NOS1AP: variants seen among roughly 807,000 people sequenced by gnomAD.
NOS1AP encodes nitric oxide synthase 1 adaptor protein, also known as carboxyl-terminal PDZ ligand of neuronal nitric oxide synthase protein.
NOS1AP carries 21 observed loss-of-function variants against 56.2 expected under a neutral mutation model. The ratio of observed to expected loss-of-function variants is 0.37; its 90% CI spans 0.26 to 0.54. NOS1AP has a LOEUF of 0.54. Ranked by LOEUF, NOS1AP falls within the 20% of genes least tolerant of loss-of-function variation. The pLI, the probability that NOS1AP is intolerant of heterozygous loss-of-function variation, is 0.84. For missense variants in NOS1AP, 522 were observed against 657.8 expected (o/e 0.79, Z 2.26); for synonymous variants, 270 against 274.6 (o/e 0.98, Z 0.17).
intron 1 of NOS1AP, among the ~76,000 whole-genome samples, chr1:162,071,144 A>C (rs1180161250): frequency 6.6e-6 from 1 of 152,100 alleles, no homozygotes; most frequent in African/African-American, 2.4e-5. Flanking sequence ...TCTGTGGAAC[A>C]GTGTTCTGCT....
intron 2 of NOS1AP, among the ~76,000 whole-genome samples, chr1:162,236,646 C>A (rs1044879250): frequency 2.4e-4 from 36 of 152,210 alleles, no homozygotes; most frequent in Non-Finnish European, 4.4e-4. Flanking sequence ...CACTCCAGCC[C>A]CCCTTTCCCT....
At chr1:162,355,470 G>A in intron 7 of NOS1AP, 117 bp downstream of exon 7, 1 of 1,277,594 alleles carries the variant, frequency 7.8e-7, no homozygotes, top group Non-Finnish European at 1.1e-6. Flanking sequence ...CACAGTGGCG[G>A]TGCCAGAGCG....
intron 1 of NOS1AP, among the ~76,000 whole-genome samples, chr1:162,133,988 G>A (rs973793264): frequency 2.0e-5 from 3 of 152,182 alleles, no homozygotes; most frequent in Non-Finnish European, 4.4e-5. Context: ...CTGGGGAGGA[G>A]AGAAGGAAGA....
At chr1:162,266,906 G>A (rs956125562) in intron 2 of NOS1AP, among the ~76,000 whole-genome samples, 1 of 152,130 alleles carries the variant, frequency 6.6e-6, no homozygotes, top group African/African-American at 2.4e-5. Context: ...GGCTTCTTAG[G>A]AAGGCATATG....
At chr1:162,103,610 G>A (rs1035038007) in intron 1 of NOS1AP, among the ~76,000 whole-genome samples, 1 of 152,108 alleles carries the variant, frequency 6.6e-6, no homozygotes, top group African/African-American at 2.4e-5. Flanking sequence ...ATGAATCTGG[G>A]TAGTCCTGTA....
At chr1:162,115,539 C>T (rs1244607466) in intron 1 of NOS1AP, among the ~76,000 whole-genome samples, 2 of 152,048 alleles carry the variant, frequency 1.3e-5, no homozygotes, top group Non-Finnish European at 1.5e-5. Flanking sequence ...GAGAGCTTTG[C>T]CTCTCAAATG....
At chr1:162,300,410 C>A (rs1655609115) in intron 3 of NOS1AP, among the ~76,000 whole-genome samples, 1 of 152,188 alleles carries the variant, frequency 6.6e-6, no homozygotes, top group African/African-American at 2.4e-5. Flanking sequence ...CTTTTGCCTA[C>A]CCTCTGAGCC....
chr1:162,268,775 G>C (rs750973440), intron 2 of NOS1AP, among the ~76,000 whole-genome samples: 17 of 151,984 alleles, frequency 1.1e-4, no homozygotes, highest in Non-Finnish European at 1.8e-4. Context: ...AACTAAAAAA[G>C]AAGTCAGTAG....
intron 2 of NOS1AP, among the ~76,000 whole-genome samples, chr1:162,265,068 G>C (rs1002963007): frequency 6.6e-6 from 1 of 151,924 alleles, no homozygotes; most frequent in African/African-American, 2.4e-5. Context: ...ACCCACCTTC[G>C]CTTCCCAAAG....
chr1:162,227,599 A>G (rs556281512), intron 2 of NOS1AP, among the ~76,000 whole-genome samples: 2 of 152,348 alleles, frequency 1.3e-5, no homozygotes, highest in African/African-American at 4.8e-5. Flanking sequence ...CCAGGAAGGA[A>G]GCAGAGATAG....
intron 1 of NOS1AP, among the ~76,000 whole-genome samples, chr1:162,138,325 G>T (rs1325316024): frequency 6.6e-6 from 1 of 152,118 alleles, no homozygotes; most frequent in African/African-American, 2.4e-5. Context: ...TTTCCCTTTG[G>T]CTTAGTTTTG....
At chr1:162,073,342 T>G (rs1691698554) in intron 1 of NOS1AP, among the ~76,000 whole-genome samples, 1 of 152,238 alleles carries the variant, frequency 6.6e-6, no homozygotes, top group Admixed American at 6.5e-5. Context: ...CATTCAATAA[T>G]TTTTATGGAA....
At position 162,118,664 on chromosome 1, in the gene NOS1AP, T is replaced by C. The variant is rs183755582; in HGVS notation, c.106-35741T>C. 5.3e-5 allele frequency among the ~76,000 whole-genome samples: 8 copies of C among 152,352 alleles called. No homozygotes were observed. The East Asian group carries it at 1.5e-3, about 29-fold the overall frequency. ...AACACTCCAGCTGCTGTTTTTCATG[T>C]ATAAATAATCAGTATTTGTAAATCC... On this transcript the variant is annotated intron_variant, in intron 1 of 9. Coordinates refer to ENST00000361897, the MANE Select transcript of NOS1AP (RefSeq NM_014697.3).
chr1:162,121,548 G>A (rs538815876), intron 1 of NOS1AP, among the ~76,000 whole-genome samples: 2 of 152,266 alleles, frequency 1.3e-5, no homozygotes, highest in East Asian at 3.9e-4. Context: ...GATGGTGGAG[G>A]ACACTAGTTT....
intron 1 of NOS1AP, among the ~76,000 whole-genome samples, chr1:162,149,902 G>A (rs537336713): frequency 6.6e-5 from 10 of 152,132 alleles, no homozygotes; most frequent in South Asian, 2.1e-4. Flanking sequence ...TTTTGATACC[G>A]GCATGCAATG....
At chr1:162,088,630 T>C (rs1258221515) in intron 1 of NOS1AP, among the ~76,000 whole-genome samples, 2 of 152,074 alleles carry the variant, frequency 1.3e-5, no homozygotes, top group Non-Finnish European at 2.9e-5. Context: ...AGGGTGGTGG[T>C]GAGGAGGGGG....
intron 2 of NOS1AP, among the ~76,000 whole-genome samples, chr1:162,175,856 G>T (rs565797930): frequency 6.6e-6 from 1 of 151,988 alleles, no homozygotes; most frequent in Non-Finnish European, 1.5e-5. Context: ...AATATCCCCC[G>T]CAAGCAGTTA....
chr1:162,276,791 T>G (rs2101725244), intron 2 of NOS1AP, among the ~76,000 whole-genome samples: 1 of 152,376 alleles, frequency 6.6e-6, no homozygotes, highest in Non-Finnish European at 1.5e-5. Context: ...TATTGGTTAC[T>G]GTATTTATAT....
intron 2 of NOS1AP, among the ~76,000 whole-genome samples, chr1:162,176,259 C>T (rs551688415): frequency 2.6e-5 from 4 of 152,244 alleles, no homozygotes; most frequent in African/African-American, 9.6e-5. Flanking sequence ...CCTATACTTA[C>T]ATTACAGTAT....
Sources: allele counts gnomAD v4.1 joint callset (sites outside exome capture counted in the v4.1 genomes callset), GRCh38; gene constraint gnomAD v4.1.1; transcripts MANE v1.5; gene names NCBI Gene and HGNC (gene_info 2026-07-23, HGNC 2026-07-21).